The following ABCB10 variants were observed in gnomAD, a reference collection of about 807,000 sequenced individuals.
ABCB10 encodes the protein ATP-binding cassette sub-family B member 10, mitochondrial.
Under a neutral mutation model 65.4 loss-of-function variants are expected in ABCB10, and 54 were observed. The observed-to-expected ratio is 0.83, with a 90% CI of 0.66 to 1.04. The LOEUF (loss-of-function observed/expected upper bound fraction) is 1.04, where lower values mean the gene tolerates loss of function less well. Among genes scored for constraint, ABCB10 ranks in the 50% least tolerant of loss-of-function variants. ABCB10 has a pLI of 0.00. For missense variants in ABCB10, 846 were observed against 976.6 expected (o/e 0.87, Z 1.78); for synonymous variants, 418 against 406.5 (o/e 1.03, Z -0.34).
chr1:229,521,943 T>C (rs1373440898), intron 10 of ABCB10, among the ~76,000 whole-genome samples: 1 of 152,162 alleles, frequency 6.6e-6, no homozygotes, highest in African/African-American at 2.4e-5. Context: ...CACGGCTCAT[T>C]GCAGCCTCAA....
chr1:229,547,462 T>C (rs778335892), intron 3 of ABCB10, 37 bp downstream of exon 3: 1 of 1,609,638 alleles, frequency 6.2e-7, no homozygotes, highest in South Asian at 1.1e-5. Context: ...AGCCAAGCCC[T>C]GGCAGGAAGG....
Position 229,547,404 on chromosome 1 carries a change from G to A in ABCB10, c.921+95C>T, listed in dbSNP as rs143094644. On this transcript the variant is annotated intron_variant, in intron 3 of 12. Coordinates refer to ENST00000344517, the MANE Select transcript of ABCB10 (RefSeq NM_012089.3). ...TGGCTCTAGGCACTTACAGAATGAT[G>A]CGAACCGCTCAGCTTGAGCTCGTCT... 2.1e-6 allele frequency: 3 copies of A among 1,437,112 alleles called. No individual in the cohort carries two copies. In the African/African-American group the frequency reaches 4.3e-5, roughly 21 times the overall value. The allele number at this position is 1,437,112 out of a possible 1,614,324, so 89.0% of individuals were successfully genotyped here. A position where few individuals can be genotyped will look rare whatever the true frequency, so the allele number is the denominator to read the frequency against.
At chr1:229,542,393 T>G (rs1476243021) in intron 3 of ABCB10, 22 bp from the exon 4 acceptor site, 1 of 1,607,594 alleles carries the variant, frequency 6.2e-7, no homozygotes, top group Admixed American at 1.7e-5. Flanking sequence ...AAAAAAAAAT[T>G]CAGAGGTGTT....
intron 1 of ABCB10, among the ~76,000 whole-genome samples, chr1:229,550,930 A>G (rs1663098187): frequency 6.6e-6 from 1 of 152,118 alleles, no homozygotes; most frequent in African/African-American, 2.4e-5. Flanking sequence ...AACTGCATTC[A>G]TAATAAGACA....
Position 229,558,704 on chromosome 1 carries a change from G to C in ABCB10, c.-52C>G, listed in dbSNP as rs1187384569. 1.6e-6 allele frequency: 2 copies of C among 1,243,396 alleles called. No individual in the cohort carries two copies. The highest frequency in any genetic ancestry group is 1.6e-5 in the African/African-American group (1 of 63,262). 77.0% of individuals were successfully genotyped at this position (1,243,396 alleles called of 1,614,324 possible). On this transcript the variant is annotated 5_prime_UTR_variant, in exon 1 of 13. Transcript: ENST00000344517. ...AGCCCGCCGGCCAGGCGCGCGCAAAGCCCGAGGACCCTCCCGGCCCGGCCC... is the reference window on the plus strand; with the variant it reads ...AGCCCGCCGGCCAGGCGCGCGCAAACCCCGAGGACCCTCCCGGCCCGGCCC...
At chr1:229,543,064 G>A (rs754759151) in intron 3 of ABCB10, among the ~76,000 whole-genome samples, 1 of 150,722 alleles carries the variant, frequency 6.6e-6, no homozygotes, top group East Asian at 1.9e-4. Context: ...CCGGGAGGTG[G>A]AGGTTGCAGT....
chr1:229,533,673 G>A (rs987410501), intron 6 of ABCB10, among the ~76,000 whole-genome samples: 18 of 152,194 alleles, frequency 1.2e-4, no homozygotes, highest in Admixed American at 6.5e-5. Context: ...CAATGGAGAT[G>A]CAACGGCAAT....
intron 5 of ABCB10, among the ~76,000 whole-genome samples, 183 bp downstream of exon 5, chr1:229,540,422 AG>A (rs1424177461): frequency 6.6e-6 from 1 of 152,208 alleles, no homozygotes; most frequent in Non-Finnish European, 1.5e-5. Context: ...CTTTTCTCTA[AG>A]GACATTTACT....
intron 3 of ABCB10, among the ~76,000 whole-genome samples, chr1:229,543,289 C>A (rs550247462): frequency 1.1e-3 from 173 of 152,260 alleles, no homozygotes; most frequent in Non-Finnish European, 2.0e-3. Context: ...GAGCTTCTAG[C>A]AATTGGAATT....
In ABCB10 at chr1:229,517,444, A is replaced by G. The variant is rs532715063; in HGVS notation, c.*735T>C. On this transcript the variant is annotated 3_prime_UTR_variant, in exon 13 of 13. Transcript: ENST00000344517. ...CTAGCAGTTCATGCCTTGCTTCGCA[A>G]AAGTACTCATACAAACATGTGAATT... is the stretch of plus-strand genomic sequence containing the variant. 65 of 152,374 alleles carry G rather than the reference A, an allele frequency of 4.3e-4. No homozygotes were observed. The highest frequency in any genetic ancestry group is 1.4e-3 in the African/African-American group (59 of 41,594). 9.4% of individuals were successfully genotyped at this position (152,374 alleles called of 1,614,324 possible).
chr1:229,526,205 TTA>T (rs2102685539), intron 9 of ABCB10, 89 bp from the exon 10 acceptor site: 19 of 1,337,832 alleles, frequency 1.4e-5, no homozygotes, highest in Non-Finnish European at 1.9e-5. Context: ...TTTTTAAAAT[TTA>T]TGTTTTGCCA....
At position 229,544,880 on chromosome 1, in the gene ABCB10, G is replaced by A. The variant is rs376466010; in HGVS notation, c.922-2509C>T. Among the ~76,000 whole-genome samples the A allele has an allele frequency of 1.8e-4, 28 of 152,278 alleles. 1 individual carries two copies. In the East Asian group the frequency reaches 4.1e-3, roughly 22 times the overall value. Reference sequence around the variant, plus strand: ...CAGCTGCCTACCAGCCAAGAGAAAAGGCCTCAGAATGAAGCTATTTTGCTA... The same window carrying A: ...CAGCTGCCTACCAGCCAAGAGAAAAAGCCTCAGAATGAAGCTATTTTGCTA... On this transcript the variant is annotated intron_variant, in intron 3 of 12. Transcript: ENST00000344517.
At chr1:229,524,913 G>T (rs1169003442) in intron 10 of ABCB10, among the ~76,000 whole-genome samples, 1 of 151,974 alleles carries the variant, frequency 6.6e-6, no homozygotes, top group African/African-American at 2.4e-5. Context: ...GAGTGCAATG[G>T]CACAATCTTG....
chr1:229,522,154 C>T (rs559199456), intron 10 of ABCB10, among the ~76,000 whole-genome samples: 13 of 151,894 alleles, frequency 8.6e-5, no homozygotes, highest in African/African-American at 1.2e-4. Context: ...CCACAGTGCC[C>T]GGCCAATACC....
intron 6 of ABCB10, 109 bp from the exon 7 acceptor site, chr1:229,531,840 T>A (rs1662592366): frequency 2.4e-6 from 2 of 824,922 alleles, no homozygotes; most frequent in Non-Finnish European, 3.6e-6. Flanking sequence ...AAATCTGTTA[T>A]TAATATTTTC....
chr1:229,558,353 G>A lies in ABCB10; in HGVS notation c.300C>T (p.Cys100=). The A allele has an allele frequency of 8.0e-7, 1 of 1,255,018 alleles. No homozygotes were observed. The highest frequency in any genetic ancestry group is 3.1e-5 in the Admixed American group (1 of 32,352). 77.7% of individuals were successfully genotyped at this position (1,255,018 alleles called of 1,614,324 possible). ...LGLWARGPGS[C]RCGAFAGPGA... ...CTGGCCCGGCAAAAGCCCCGCACCT[G>A]CAGCTGCCGGGGCCGCGAGCCCACA... Residue 100 remains cysteine (C), a synonymous_variant, in exon 1 of 13, where the codon TGC becomes TGT. Transcript: ENST00000344517.
intron 4 of ABCB10, 23 bp downstream of exon 4, chr1:229,542,214 C>T (rs767468939): frequency 7.4e-6 from 12 of 1,611,448 alleles, no homozygotes; most frequent in African/African-American, 2.7e-5. Flanking sequence ...CTGGAAACCA[C>T]GCGGACAGGA....
In ABCB10 at chr1:229,521,088, A is replaced by G. The variant is rs557913056; in HGVS notation, c.1950+504T>C. On this transcript the variant is annotated intron_variant, in intron 11 of 12. Coordinates refer to ENST00000344517, the MANE Select transcript of ABCB10 (RefSeq NM_012089.3). ...AGCTGCTTTTTTTTTTTAATCACCT[A>G]TAAGCCTGAGAAGAACAGTTGTATA... is the stretch of plus-strand genomic sequence containing the variant. Among the ~76,000 whole-genome samples the G allele has an allele frequency of 4.6e-5, 7 of 152,142 alleles. No individual in the cohort carries two copies. The East Asian group carries it at 9.7e-4, about 21-fold the overall frequency.
At position 229,558,361 on chromosome 1, in the gene ABCB10, CG is replaced by C. The variant is rs1223514568; in HGVS notation, c.291del (p.Gly98AlafsTer114). 6.4e-6 allele frequency: 8 copies of C among 1,251,432 alleles called. No individual in the cohort carries two copies. Among genetic ancestry groups the C allele is most frequent in the South Asian group, 3.9e-5 (2 of 50,746 alleles). 77.5% of individuals were successfully genotyped at this position (1,251,432 alleles called of 1,614,324 possible). On this transcript the variant is annotated frameshift_variant, in exon 1 of 13. Transcript: ENST00000344517. LOFTEE classifies it high-confidence loss of function. ...GCAAAAGCCCCGCACCTGCAGCTGCCGGGGCCGCGAGCCCACAGCCCCAGGA... is the reference window on the plus strand; with the variant it reads ...GCAAAAGCCCCGCACCTGCAGCTGCCGGGCCGCGAGCCCACAGCCCCAGGA... ...ARLLGLWARG[P>X]GSCRCGAFAG...
Sources: gnomAD v4.1 joint callset for allele counts (sites outside exome capture counted in the v4.1 genomes callset) on GRCh38, gnomAD v4.1.1 for gene constraint, MANE v1.5 for transcripts, NCBI Gene and HGNC (gene_info 2026-07-23, HGNC 2026-07-21) for gene names.